PLCXD3: variants seen among roughly 807,000 people sequenced by gnomAD.
The protein encoded by PLCXD3 is phosphatidylinositol specific phospholipase C X domain containing 3.
In PLCXD3, 19 loss-of-function variants were observed where a neutral mutation model predicts 25.5. The ratio of observed to expected loss-of-function variants is 0.75; its 90% CI spans 0.52 to 1.09. PLCXD3 has a LOEUF of 1.09. Among genes scored for constraint, PLCXD3 ranks in the 50% least tolerant of loss-of-function variants. The pLI is 0.00. For synonymous variants in PLCXD3, 174 were observed against 137.6 expected (o/e 1.26, Z -1.85); for missense variants, 411 against 388.1 (o/e 1.06, Z -0.50).
intron 1 of PLCXD3, among the ~76,000 whole-genome samples, chr5:41,385,680 A>G (rs1382619847): frequency 6.6e-6 from 1 of 152,108 alleles, no homozygotes. Context: ...AATGAATTAC[A>G]TAGGACAAAC....
At chr5:41,316,122 G>A (rs1298830757) in intron 2 of PLCXD3, among the ~76,000 whole-genome samples, 1 of 152,168 alleles carries the variant, frequency 6.6e-6, no homozygotes, top group Non-Finnish European at 1.5e-5. Flanking sequence ...TGGGAGAAGA[G>A]GGGGAAGAAT....
intron 1 of PLCXD3, among the ~76,000 whole-genome samples, chr5:41,412,855 TA>T (rs1441819257): frequency 6.6e-6 from 1 of 152,230 alleles, no homozygotes; most frequent in Non-Finnish European, 1.5e-5. Flanking sequence ...CTTTACTTCT[TA>T]AGGAAAACTG....
chr5:41,504,308 CAG>C (rs1158659973), intron 1 of PLCXD3, among the ~76,000 whole-genome samples: 1 of 152,138 alleles, frequency 6.6e-6, no homozygotes, highest in African/African-American at 2.4e-5. Context: ...GGTGCAGATG[CAG>C]AGAGTGAGCT....
intron 1 of PLCXD3, among the ~76,000 whole-genome samples, chr5:41,509,543 G>T (rs1264154897): frequency 1.3e-5 from 2 of 152,164 alleles, no homozygotes; most frequent in South Asian, 4.1e-4. Context: ...TGATCCCTCA[G>T]GTCTCTTCCT....
At chr5:41,423,617 T>G (rs1445783352) in intron 1 of PLCXD3, among the ~76,000 whole-genome samples, 1 of 152,124 alleles carries the variant, frequency 6.6e-6, no homozygotes, top group Admixed American at 6.5e-5. Flanking sequence ...ATTATTACTT[T>G]ATATATTTTT....
intron 1 of PLCXD3, among the ~76,000 whole-genome samples, chr5:41,387,955 T>C (rs2085831090): frequency 6.6e-6 from 1 of 152,124 alleles, no homozygotes; most frequent in South Asian, 2.1e-4. Flanking sequence ...TTAATATCAA[T>C]GGGCTTATGC....
At chr5:41,454,209 C>T (rs930703821) in intron 1 of PLCXD3, among the ~76,000 whole-genome samples, 2 of 151,970 alleles carry the variant, frequency 1.3e-5, no homozygotes, top group African/African-American at 2.4e-5. Context: ...TAGATACAGT[C>T]ACACTGTAGT....
At chr5:41,326,801 T>A (rs1743640376) in intron 2 of PLCXD3, among the ~76,000 whole-genome samples, 1 of 152,190 alleles carries the variant, frequency 6.6e-6, no homozygotes. Context: ...TACCAGTACC[T>A]GCCCATTAAA....
Position 41,478,484 on chromosome 5 carries a change from T to C in PLCXD3, c.103+31940A>G, listed in dbSNP as rs138107336. Among the ~76,000 whole-genome samples the C allele has an allele frequency of 4.6e-3, 696 of 152,292 alleles. 9 individuals carry two copies. The highest frequency in any genetic ancestry group is 0.016 in the African/African-American group (665 of 41,560). ...CCTATAATATTAATTATCTAAAACATCATTAATAAGTTGAAAGTATATGAA... is the reference window on the plus strand; with the variant it reads ...CCTATAATATTAATTATCTAAAACACCATTAATAAGTTGAAAGTATATGAA... On this transcript the variant is annotated intron_variant, in intron 1 of 2. Coordinates refer to ENST00000377801, the MANE Select transcript of PLCXD3 (RefSeq NM_001005473.3).
chr5:41,439,315 G>T (rs1044651680), intron 1 of PLCXD3, among the ~76,000 whole-genome samples: 3 of 152,046 alleles, frequency 2.0e-5, no homozygotes, highest in African/African-American at 7.2e-5. Context: ...TTCCAACTTA[G>T]TACTAGAACC....
intron 1 of PLCXD3, among the ~76,000 whole-genome samples, chr5:41,485,354 A>G (rs1425146509): frequency 6.6e-6 from 1 of 152,178 alleles, no homozygotes; most frequent in Non-Finnish European, 1.5e-5. Context: ...TGAGTTTACT[A>G]CTTAAAAAAT....
intron 1 of PLCXD3, among the ~76,000 whole-genome samples, chr5:41,397,243 A>G (rs1236886461): frequency 4.6e-5 from 7 of 152,120 alleles, no homozygotes; most frequent in Non-Finnish European, 8.8e-5. Flanking sequence ...GGCCAGGCAC[A>G]GGGCCTTGCT....
At chr5:41,340,923 G>A (rs766386605) in intron 2 of PLCXD3, among the ~76,000 whole-genome samples, 1 of 152,082 alleles carries the variant, frequency 6.6e-6, no homozygotes, top group Non-Finnish European at 1.5e-5. Context: ...TCCTGGCATT[G>A]AGTTACATTT....
intron 1 of PLCXD3, among the ~76,000 whole-genome samples, chr5:41,465,704 G>T (rs1561281669): frequency 6.6e-6 from 1 of 151,912 alleles, no homozygotes; most frequent in Non-Finnish European, 1.5e-5. Context: ...AGGCATGGGG[G>T]CCAGGGAGCA....
At chr5:41,485,365 C>T (rs1413578591) in intron 1 of PLCXD3, among the ~76,000 whole-genome samples, 2 of 152,170 alleles carry the variant, frequency 1.3e-5, no homozygotes, top group African/African-American at 4.8e-5. Flanking sequence ...CTTAAAAAAT[C>T]ACACTGATGA....
chr5:41,455,577 C>G (rs1042299028), intron 1 of PLCXD3, among the ~76,000 whole-genome samples: 1 of 151,832 alleles, frequency 6.6e-6, no homozygotes, highest in Non-Finnish European at 1.5e-5. Context: ...AGTACATAAA[C>G]TCTGATGGAA....
intron 1 of PLCXD3, among the ~76,000 whole-genome samples, chr5:41,506,122 A>G (rs1749047468): frequency 6.6e-6 from 1 of 152,176 alleles, no homozygotes; most frequent in Admixed American, 6.5e-5. Flanking sequence ...CATTTCTACC[A>G]AGCCCACATG....
intron 1 of PLCXD3, among the ~76,000 whole-genome samples, chr5:41,426,831 T>A (rs1746966465): frequency 6.6e-6 from 1 of 152,128 alleles, no homozygotes; most frequent in African/African-American, 2.4e-5. Flanking sequence ...AGTGATCAGT[T>A]CTCTCAGTTT....
rs566990227 is a variant in PLCXD3 at position 41,308,265 on chromosome 5, T to A, written c.*5352A>T. ...ATATATAGGACATACCCAGTTACAT[T>A]TGAATTTCAGATAAACTTTTTTTAA... is the stretch of plus-strand genomic sequence containing the variant. On this transcript the variant is annotated 3_prime_UTR_variant, in exon 3 of 3. Transcript: ENST00000377801. The A allele has an allele frequency of 6.6e-6, 1 of 152,270 alleles. No homozygotes were observed. The highest frequency in any genetic ancestry group is 2.4e-5 in the African/African-American group (1 of 41,556). The allele number at this position is 152,270 out of a possible 1,614,324, so 9.4% of individuals were successfully genotyped here.
Sources: gnomAD v4.1 joint callset for allele counts (sites outside exome capture counted in the v4.1 genomes callset) on GRCh38, gnomAD v4.1.1 for gene constraint, MANE v1.5 for transcripts, NCBI Gene and HGNC (gene_info 2026-07-23, HGNC 2026-07-21) for gene names.